Variants in SLC35F2 observed in about 807,000 individuals in gnomAD.
SLC35F2 encodes queuine/queuosine transporter SLC35F2.
SLC35F2 carries 25 observed loss-of-function variants against 38.1 expected under a neutral mutation model. That is an observed-to-expected ratio of 0.66 (90% confidence interval 0.48 to 0.92). The LOEUF (loss-of-function observed/expected upper bound fraction) is 0.92, where lower values mean the gene tolerates loss of function less well. SLC35F2 is among the 40% of genes least tolerant of loss of function. The pLI, the probability that SLC35F2 is intolerant of heterozygous loss-of-function variation, is 0.00. For synonymous variants in SLC35F2, 173 were observed against 181.7 expected, an observed-to-expected ratio of 0.95 and a Z score of 0.38; for missense variants, 409 against 452.9, an observed-to-expected ratio of 0.90 and a Z score of 0.88.
At chr11:107,846,380 G>C (rs1221245331) in intron 1 of SLC35F2, among the ~76,000 whole-genome samples, 3 of 152,092 alleles carry the variant, frequency 2.0e-5, no homozygotes, top group African/African-American at 4.8e-5. Flanking sequence ...TAAAGGTACT[G>C]TTTATCAAAA....
chr11:107,829,885 C>T (rs1456317638), intron 1 of SLC35F2, among the ~76,000 whole-genome samples: 6 of 151,954 alleles, frequency 3.9e-5, no homozygotes, highest in African/African-American at 1.2e-4. Flanking sequence ...GACTTTGCTG[C>T]CAAAAGAATT....
chr11:107,808,740 G>A (rs924517744), intron 3 of SLC35F2, among the ~76,000 whole-genome samples: 5 of 152,136 alleles, frequency 3.3e-5, no homozygotes, highest in Admixed American at 6.5e-5. Flanking sequence ...AATCTCCTAA[G>A]TGCTTTATTG....
chr11:107,826,916 G>A, intron 1 of SLC35F2, among the ~76,000 whole-genome samples: 1 of 151,956 alleles, frequency 6.6e-6, no homozygotes. Flanking sequence ...AAATACTGTG[G>A]AATACAGAAA....
At chr11:107,855,816 G>GGA (rs1860269207) in intron 1 of SLC35F2, among the ~76,000 whole-genome samples, 1 of 148,702 alleles carries the variant, frequency 6.7e-6, no homozygotes, top group South Asian at 2.1e-4. Flanking sequence ...CATTAGGAGA[G>GGA]AAAAAAAAAA....
At chr11:107,804,324 A>G (rs1457261639) in intron 6 of SLC35F2, among the ~76,000 whole-genome samples, 1 of 152,152 alleles carries the variant, frequency 6.6e-6, no homozygotes, top group Admixed American at 6.6e-5. Context: ...AGATGACAGG[A>G]GCAATGGGAG....
chr11:107,840,786 A>G (rs553793398), intron 1 of SLC35F2: 1 of 152,078 alleles, frequency 6.6e-6, no homozygotes, highest in South Asian at 2.1e-4. Context: ...TTTCTTTCCT[A>G]TGCCAGTGGT....
At chr11:107,853,395 C>T (rs1394258967) in intron 1 of SLC35F2, among the ~76,000 whole-genome samples, 3 of 152,126 alleles carry the variant, frequency 2.0e-5, no homozygotes, top group Admixed American at 1.3e-4. Flanking sequence ...AAGCCTAGAA[C>T]ATTACAGATG....
chr11:107,802,237 C>CAAAAAAAAAA (rs1196154388), intron 7 of SLC35F2, among the ~76,000 whole-genome samples: 1 of 112,394 alleles, frequency 8.9e-6, no homozygotes, highest in Non-Finnish European at 1.7e-5. Flanking sequence ...GACTCCATCT[C>CAAAAAAAAAA]AAAAAAAATA....
chr11:107,809,875 GA>G, intron 3 of SLC35F2: 1 of 985,348 alleles, frequency 1.0e-6, no homozygotes, highest in Non-Finnish European at 1.2e-6. Flanking sequence ...TGCATTCTAG[GA>G]AGAACAGAGC....
chr11:107,854,208 G>A (rs949909384), intron 1 of SLC35F2, among the ~76,000 whole-genome samples: 5 of 151,802 alleles, frequency 3.3e-5, no homozygotes, highest in African/African-American at 1.2e-4. Flanking sequence ...AAGGCAGGTG[G>A]ATCACTTGAG....
intron 1 of SLC35F2, among the ~76,000 whole-genome samples, chr11:107,834,195 T>C (rs1201052738): frequency 1.3e-5 from 2 of 152,154 alleles, no homozygotes; most frequent in Non-Finnish European, 2.9e-5. Flanking sequence ...CAGTTGGAGT[T>C]TGTCCGGCTT....
chr11:107,802,031 G>C (rs1328616157), intron 7 of SLC35F2, among the ~76,000 whole-genome samples: 4 of 152,070 alleles, frequency 2.6e-5, no homozygotes, highest in Non-Finnish European at 4.4e-5. Flanking sequence ...CTGAGGTCAG[G>C]AGTTCAAGAC....
At chr11:107,853,112 A>G (rs1321984057) in intron 1 of SLC35F2, among the ~76,000 whole-genome samples, 1 of 151,972 alleles carries the variant, frequency 6.6e-6, no homozygotes, top group Non-Finnish European at 1.5e-5. Flanking sequence ...CTTAAGCAAA[A>G]CACTTTCTGG....
At chr11:107,803,831 A>G (rs548234615) in intron 6 of SLC35F2, among the ~76,000 whole-genome samples, 1 of 146,370 alleles carries the variant, frequency 6.8e-6, no homozygotes, top group East Asian at 2.2e-4. Context: ...TTTTATTTTT[A>G]TTTATTTTTT....
chr11:107,821,925 TA>T (rs969239451), intron 1 of SLC35F2, among the ~76,000 whole-genome samples: 1 of 152,200 alleles, frequency 6.6e-6, no homozygotes, highest in Non-Finnish European at 1.5e-5. Context: ...TATTAGAATC[TA>T]TTTTATAACT....
chr11:107,847,941 C>T (rs929483645), intron 1 of SLC35F2, among the ~76,000 whole-genome samples: 29 of 152,106 alleles, frequency 1.9e-4, no homozygotes, highest in African/African-American at 7.0e-4. Flanking sequence ...GTCGAGAAGA[C>T]TGAACTCTCA....
At chr11:107,798,726 T>C (rs1565426805) in intron 7 of SLC35F2, among the ~76,000 whole-genome samples, 1 of 152,192 alleles carries the variant, frequency 6.6e-6, no homozygotes, top group Non-Finnish European at 1.5e-5. Flanking sequence ...GCCAAAGTTA[T>C]TTTAGACACA....
chr11:107,849,985 C>T (rs1860152736), intron 1 of SLC35F2, among the ~76,000 whole-genome samples: 1 of 152,148 alleles, frequency 6.6e-6, no homozygotes, highest in Non-Finnish European at 1.5e-5. Context: ...GGCTGTCCAG[C>T]CAGCAATCAT....
chr11:107,858,132 G>A (rs1860324889), intron 1 of SLC35F2, among the ~76,000 whole-genome samples: 1 of 152,204 alleles, frequency 6.6e-6, no homozygotes. Flanking sequence ...ACCTCGCTCA[G>A]GCCCAGGAAG....
Sources: allele counts gnomAD v4.1 joint callset (sites outside exome capture counted in the v4.1 genomes callset), GRCh38; gene constraint gnomAD v4.1.1; transcripts MANE v1.5; gene names NCBI Gene and HGNC (gene_info 2026-07-23, HGNC 2026-07-21).